The following DOCK2 variants were observed in gnomAD, a reference collection of about 807,000 sequenced individuals.
The protein encoded by DOCK2 is dedicator of cytokinesis protein 2.
A neutral mutation model predicts 248.9 loss-of-function variants in DOCK2; 87 were observed. The observed-to-expected ratio is 0.35, with a 90% CI of 0.29 to 0.42. DOCK2 has a LOEUF of 0.42. Ranked by LOEUF, DOCK2 falls within the 10% of genes least tolerant of loss-of-function variation. The probability of loss-of-function intolerance (pLI) is 1.00; values close to 1 mark genes in which losing one functional copy is unlikely to be tolerated. For synonymous variants in DOCK2, 805 were observed against 821.6 expected (o/e 0.98, Z 0.35); for missense variants, 1,747 against 2,300.2 (o/e 0.76, Z 4.92).
Position 169,714,443 on chromosome 5 carries a change from G to A in DOCK2, c.1927G>A (p.Glu643Lys). Reference protein sequence around the residue: ...NLEKLKIVDGEEVVKFLQDTL... With the variant: ...NLEKLKIVDGKEVVKFLQDTL... ...AGAAAAGTTGAAGATTGTGGATGGA[G>A]AGGAAGTGGTGAAGGTCAGTGGGGC... is the stretch of plus-strand genomic sequence containing the variant. Residue 643 changes from glutamate (E) to lysine (K), a missense_variant, in exon 19 of 52, where the codon GAG (glutamate) becomes AAG (lysine). Physicochemically the swap from Glu to Lys is moderately conservative, Grantham distance 56. Around this residue, in one of 4 missense-constraint regions of DOCK2, gnomAD observed 858 missense variants for 1,183.5 expected, o/e 0.72. Coordinates refer to ENST00000520908, the MANE Select transcript of DOCK2 (RefSeq NM_004946.3). The A allele has an allele frequency of 1.2e-6, 2 of 1,614,094 alleles. No individual in the cohort carries two copies. Among genetic ancestry groups the A allele is most frequent in the Non-Finnish European group, 8.5e-7 (1 of 1,179,976 alleles).
intron 27 of DOCK2, among the ~76,000 whole-genome samples, chr5:169,972,803 A>G (rs80096788): frequency 0.022 from 3,325 of 152,260 alleles, 119 homozygotes; most frequent in African/African-American, 0.075. Context: ...ATGTTCTCCA[A>G]TGTGGACTAA....
intron 26 of DOCK2, among the ~76,000 whole-genome samples, chr5:169,807,833 C>CAAAAAAAAAAAAAA (rs61670398): frequency 1.7e-4 from 4 of 24,230 alleles, no homozygotes; most frequent in African/African-American, 2.7e-4. Context: ...GACTCTGTCT[C>CAAAAAAAAAAAAAA]AAAAAAAAAA....
chr5:169,995,044 T>A (rs1754557486), intron 29 of DOCK2, among the ~76,000 whole-genome samples: 1 of 151,650 alleles, frequency 6.6e-6, no homozygotes, highest in South Asian at 2.1e-4. Flanking sequence ...TTTTTTTTTT[T>A]TTTTGAGAGA....
chr5:169,722,885 G>A (rs1762283175), intron 22 of DOCK2, among the ~76,000 whole-genome samples: 1 of 152,100 alleles, frequency 6.6e-6, no homozygotes, highest in Non-Finnish European at 1.5e-5. Context: ...CTGGAGGCAG[G>A]GATAACTTTT....
Position 169,761,558 on chromosome 5 carries a change from G to T in DOCK2, c.2487G>T (p.Val829=). The T allele has an allele frequency of 6.2e-7, 1 of 1,614,052 alleles. No homozygotes were observed. The part of the protein sequence containing the change: ...LYEFYTCIPP[V]KLQKQKVQSM... ...AGTTCTACACCTGCATCCCTCCTGT[G>T]AAACTCCAGAAGCAGAAAGTACAGT... Residue 829 remains valine (V), a synonymous_variant, in exon 25 of 52, where the codon GTG becomes GTT. Transcript: ENST00000520908.
At chr5:170,000,549 T>C (rs371318822) in intron 30 of DOCK2, 1 of 152,238 alleles carries the variant, frequency 6.6e-6, no homozygotes, top group African/African-American at 2.4e-5. Context: ...CCAGAAGCAC[T>C]CTCTGCCCTT....
At chr5:169,642,183 A>G (rs1757190036) in intron 1 of DOCK2, among the ~76,000 whole-genome samples, 1 of 152,228 alleles carries the variant, frequency 6.6e-6, no homozygotes. Flanking sequence ...AGTTGAAAGG[A>G]TAGAGAGCAT....
At chr5:169,663,728 C>G (rs1758573182) in intron 2 of DOCK2, among the ~76,000 whole-genome samples, 1 of 152,226 alleles carries the variant, frequency 6.6e-6, no homozygotes, top group Admixed American at 6.5e-5. Context: ...ATACAGGGTG[C>G]CAAGTCCTGA....
At chr5:169,696,585 A>G (rs1003382600) in intron 10 of DOCK2, among the ~76,000 whole-genome samples, 1 of 152,234 alleles carries the variant, frequency 6.6e-6, no homozygotes, top group Non-Finnish European at 1.5e-5. Flanking sequence ...TTTTTCATCA[A>G]AGGCGATTTA....
intron 27 of DOCK2, among the ~76,000 whole-genome samples, chr5:169,889,249 A>T (rs1554113936): frequency 6.6e-6 from 1 of 152,040 alleles, no homozygotes. Context: ...CACTTCCAAC[A>T]TTTTTTTTCC....
chr5:169,936,329 C>T (rs1484771941), intron 27 of DOCK2, among the ~76,000 whole-genome samples: 1 of 152,096 alleles, frequency 6.6e-6, no homozygotes, highest in Admixed American at 6.5e-5. Context: ...GTTCCTAGGG[C>T]AAAACATTTT....
At chr5:169,938,337 G>T (rs1561838379) in intron 27 of DOCK2, among the ~76,000 whole-genome samples, 1 of 151,820 alleles carries the variant, frequency 6.6e-6, no homozygotes, top group Non-Finnish European at 1.5e-5. Flanking sequence ...TGCATCATTA[G>T]GCAATTTTCT....
chr5:169,786,295 G>A (rs1047763407), intron 25 of DOCK2, among the ~76,000 whole-genome samples: 1 of 152,166 alleles, frequency 6.6e-6, no homozygotes, highest in Non-Finnish European at 1.5e-5. Context: ...ACTTCAGTTA[G>A]TAGGGGGGCA....
At chr5:169,935,746 G>A (rs1362240531) in intron 27 of DOCK2, among the ~76,000 whole-genome samples, 1 of 152,150 alleles carries the variant, frequency 6.6e-6, no homozygotes, top group Non-Finnish European at 1.5e-5. Context: ...GTCAAGTTGT[G>A]CACAGTACAC....
At chr5:169,725,681 G>T (rs1003226429) in intron 22 of DOCK2, among the ~76,000 whole-genome samples, 1 of 132,224 alleles carries the variant, frequency 7.6e-6, no homozygotes, top group Admixed American at 8.0e-5. Context: ...GACAGGCCCC[G>T]GTGTGTGATG....
chr5:169,646,458 CCT>C (rs1300146903), intron 1 of DOCK2, among the ~76,000 whole-genome samples: 7 of 152,106 alleles, frequency 4.6e-5, no homozygotes, highest in African/African-American at 1.7e-4. Flanking sequence ...CTGAAAATTC[CCT>C]CTATTTTATG....
chr5:170,012,459 T>C (rs1755336751), intron 32 of DOCK2, among the ~76,000 whole-genome samples: 1 of 152,216 alleles, frequency 6.6e-6, no homozygotes, highest in Admixed American at 6.5e-5. Context: ...ATCATCATCT[T>C]CTTCTCATCA....
chr5:169,908,352 A>G (rs1257024968), intron 27 of DOCK2, among the ~76,000 whole-genome samples: 1 of 152,130 alleles, frequency 6.6e-6, no homozygotes. Context: ...TATAATTCTG[A>G]TTACTCACAT....
intron 25 of DOCK2, among the ~76,000 whole-genome samples, chr5:169,795,711 C>T (rs994160278): frequency 6.6e-6 from 1 of 152,114 alleles, no homozygotes; most frequent in African/African-American, 2.4e-5. Flanking sequence ...CCTTTGTGTC[C>T]AGTTGATCCA....
Sources: allele counts gnomAD v4.1 joint callset (sites outside exome capture counted in the v4.1 genomes callset), GRCh38; gene constraint gnomAD v4.1.1; regional missense constraint gnomAD v4.1.1; transcripts MANE v1.5; gene names NCBI Gene and HGNC (gene_info 2026-07-23, HGNC 2026-07-21).